The following EPC2 variants were observed in gnomAD, a reference collection of about 807,000 sequenced individuals.
EPC2 encodes the protein enhancer of polycomb 2.
In EPC2, 14 loss-of-function variants were observed where a neutral mutation model predicts 92.1. The observed-to-expected ratio is 0.15, with a 90% CI of 0.10 to 0.24. The LOEUF is 0.24. Among genes scored for constraint, EPC2 ranks in the 10% least tolerant of loss-of-function variants. The probability of loss-of-function intolerance (pLI) is 1.00; values close to 1 mark genes in which losing one functional copy is unlikely to be tolerated. For synonymous variants in EPC2, 340 were observed against 334.7 expected, an observed-to-expected ratio of 1.02 and a Z score of -0.17; for missense variants, 755 against 971.5, an observed-to-expected ratio of 0.78 and a Z score of 2.96.
chr2:148,715,025 G>GTTTTTTTTTTTTTTTTTTTTTTTTTTTT (rs60115354), intron 2 of EPC2, among the ~76,000 whole-genome samples: 1 of 86,860 alleles, frequency 1.2e-5, no homozygotes. Context: ...TTCTTCTAGG[G>GTTTTTTTTTTTTTTTTTTTTTTTTTTTT]TTTTTTTTTT....
chr2:148,676,990 C>T (rs979955067), intron 1 of EPC2, among the ~76,000 whole-genome samples: 9 of 152,056 alleles, frequency 5.9e-5, no homozygotes, highest in Admixed American at 5.9e-4. Flanking sequence ...GCCTAGTAAC[C>T]TACCAAAGTA....
chr2:148,667,013 A>G (rs757611072), intron 1 of EPC2, among the ~76,000 whole-genome samples: 1 of 152,208 alleles, frequency 6.6e-6, no homozygotes, highest in East Asian at 1.9e-4. Context: ...ACTGAAAGAC[A>G]TGATTGGTTA....
At chr2:148,763,271 C>T (rs972783946) in intron 6 of EPC2, among the ~76,000 whole-genome samples, 3 of 152,030 alleles carry the variant, frequency 2.0e-5, no homozygotes, top group African/African-American at 7.2e-5. Context: ...TGTTATCTAC[C>T]TTGAGTGACT....
intron 2 of EPC2, among the ~76,000 whole-genome samples, chr2:148,726,149 A>G (rs144251394): frequency 3.9e-4 from 60 of 152,248 alleles, no homozygotes; most frequent in African/African-American, 1.4e-3. Flanking sequence ...AAGACTGTTA[A>G]TAGTCTATTG....
chr2:148,701,914 T>G (rs1681897420), intron 2 of EPC2, among the ~76,000 whole-genome samples: 1 of 152,142 alleles, frequency 6.6e-6, no homozygotes, highest in African/African-American at 2.4e-5. Context: ...TCTATATAGA[T>G]TTTCTGTTTC....
chr2:148,712,520 A>T (rs1305200017), intron 2 of EPC2, among the ~76,000 whole-genome samples: 1 of 152,222 alleles, frequency 6.6e-6, no homozygotes, highest in Non-Finnish European at 1.5e-5. Context: ...GTGATGTCAT[A>T]GCCATTGGAA....
At chr2:148,781,124 T>C (rs1683739111) in intron 10 of EPC2, among the ~76,000 whole-genome samples, 1 of 152,148 alleles carries the variant, frequency 6.6e-6, no homozygotes, top group African/African-American at 2.4e-5. Flanking sequence ...TAAACTATGG[T>C]TTGTGGTTAT....
At chr2:148,713,942 A>G (rs1344389856) in intron 2 of EPC2, among the ~76,000 whole-genome samples, 7 of 152,162 alleles carry the variant, frequency 4.6e-5, no homozygotes, top group Non-Finnish European at 7.4e-5. Flanking sequence ...CAGGATGTGC[A>G]GGTTTCTTGC....
chr2:148,707,653 A>G (rs1482472228), intron 2 of EPC2, among the ~76,000 whole-genome samples: 1 of 152,244 alleles, frequency 6.6e-6, no homozygotes, highest in Non-Finnish European at 1.5e-5. Context: ...ACTGTCTCTC[A>G]CACCACAGTG....
chr2:148,651,730 C>G (rs1680688680), intron 1 of EPC2, among the ~76,000 whole-genome samples: 1 of 152,148 alleles, frequency 6.6e-6, no homozygotes, highest in South Asian at 2.1e-4. Context: ...ACTATCTCAG[C>G]TAACATTTGA....
intron 1 of EPC2, among the ~76,000 whole-genome samples, chr2:148,673,639 A>C (rs1681199019): frequency 6.6e-6 from 1 of 152,152 alleles, no homozygotes; most frequent in African/African-American, 2.4e-5. Flanking sequence ...GCTGGAGTGC[A>C]GTGGTGCGAT....
chr2:148,724,418 G>A (rs1682451217), intron 2 of EPC2, among the ~76,000 whole-genome samples: 2 of 151,954 alleles, frequency 1.3e-5, no homozygotes, highest in South Asian at 4.2e-4. Flanking sequence ...CAATGCTGTA[G>A]AACACTAAGA....
intron 1 of EPC2, among the ~76,000 whole-genome samples, chr2:148,676,756 C>G (rs1681271248): frequency 7.0e-6 from 1 of 143,862 alleles, no homozygotes; most frequent in African/African-American, 2.6e-5. Context: ...TAAGTAATTC[C>G]CTGTTTATTG....
intron 2 of EPC2, among the ~76,000 whole-genome samples, chr2:148,703,632 A>C (rs1375868166): frequency 2.0e-5 from 3 of 152,048 alleles, no homozygotes; most frequent in African/African-American, 7.2e-5. Context: ...AGGCTCTAGC[A>C]CTTCTCCCAC....
chr2:148,779,111 A>G (rs1166269611), intron 10 of EPC2, among the ~76,000 whole-genome samples: 1 of 151,920 alleles, frequency 6.6e-6, no homozygotes, highest in Non-Finnish European at 1.5e-5. Flanking sequence ...TAATGGTCTC[A>G]AGAAGACAGG....
intron 2 of EPC2, among the ~76,000 whole-genome samples, chr2:148,712,314 C>G (rs1052667240): frequency 6.6e-6 from 1 of 151,906 alleles, no homozygotes; most frequent in Non-Finnish European, 1.5e-5. Context: ...AGGCCACTTG[C>G]AAGTAGCACT....
Position 148,690,298 on chromosome 2 carries a change from G to C in EPC2, c.238G>C (p.Glu80Gln). The C allele has an allele frequency of 6.2e-7, 1 of 1,613,038 alleles. No homozygotes were observed. Among genetic ancestry groups the C allele is most frequent in the Non-Finnish European group, 8.5e-7 (1 of 1,179,608 alleles). Residue 80 changes from glutamate to glutamine, a missense_variant, in exon 2 of 14, where the codon GAG (glutamate) becomes CAG (glutamine). Coordinates refer to ENST00000258484, the MANE Select transcript of EPC2 (RefSeq NM_015630.4). ...TATGGTCATTCCTGTTCCTGAGGCA[G>C]AGAGCAACGTCAACTATTACAATCG... is the stretch of plus-strand genomic sequence containing the variant. Reference protein sequence around the residue: ...ESMVIPVPEAESNVNYYNRLY... With the variant: ...ESMVIPVPEAQSNVNYYNRLY...
chr2:148,757,234 G>A (rs1041515995), intron 4 of EPC2, among the ~76,000 whole-genome samples: 3 of 152,056 alleles, frequency 2.0e-5, no homozygotes, highest in Non-Finnish European at 4.4e-5. Flanking sequence ...AAATTAGCTG[G>A]GCGTGGTGGC....
chr2:148,759,017 G>A (rs1038698321), intron 4 of EPC2, among the ~76,000 whole-genome samples: 6 of 152,298 alleles, frequency 3.9e-5, no homozygotes, highest in Admixed American at 2.6e-4. Context: ...AATTACAGAA[G>A]ATTAAAGAAA....
Sources: gnomAD v4.1 joint callset for allele counts (sites outside exome capture counted in the v4.1 genomes callset) on GRCh38, gnomAD v4.1.1 for gene constraint, MANE v1.5 for transcripts, NCBI Gene and HGNC (gene_info 2026-07-23, HGNC 2026-07-21) for gene names.